Variants in GALNT13 observed in about 807,000 individuals in gnomAD.
The protein encoded by GALNT13 is UDP-GalNAc:polypeptide N-acetylgalactosaminyltransferase 13.
In GALNT13, 28 loss-of-function variants were observed where a neutral mutation model predicts 64.2. The ratio of observed to expected loss-of-function variants is 0.44; its 90% CI spans 0.32 to 0.60. GALNT13 has a LOEUF of 0.60. Ranked by LOEUF, GALNT13 falls within the 20% of genes least tolerant of loss-of-function variation. The probability of loss-of-function intolerance (pLI) is 0.05; values close to 1 mark genes in which losing one functional copy is unlikely to be tolerated. For synonymous variants in GALNT13, 214 were observed against 224.6 expected (o/e 0.95, Z 0.42); for missense variants, 577 against 669.8 (o/e 0.86, Z 1.53).
the GALNT13 span, among the ~76,000 whole-genome samples, chr2:153,729,391 A>C: frequency 2.0e-5 from 3 of 152,120 alleles, no homozygotes; most frequent in Admixed American, 6.5e-5. Context: ...CAGGCTTTTA[A>C]TTTTAATATA....
intron 9 of GALNT13, among the ~76,000 whole-genome samples, chr2:154,319,230 A>C (rs1174676669): frequency 6.6e-6 from 1 of 152,226 alleles, no homozygotes; most frequent in East Asian, 1.9e-4. Context: ...CGGACATTTG[A>C]ACAACAGGAG....
the GALNT13 span, among the ~76,000 whole-genome samples, chr2:153,629,911 T>C: frequency 2.0e-5 from 3 of 148,430 alleles, no homozygotes; most frequent in Non-Finnish European, 4.4e-5. Context: ...TCATCATCAC[T>C]GGCCATCAGA....
At chr2:154,152,381 G>T (rs6749939) in intron 4 of GALNT13, among the ~76,000 whole-genome samples, 1 of 151,708 alleles carries the variant, frequency 6.6e-6, no homozygotes, top group Non-Finnish European at 1.5e-5. Context: ...CTTCATTTCA[G>T]CTTTGGTGAA....
the GALNT13 span, among the ~76,000 whole-genome samples, chr2:153,208,421 T>C: frequency 0.16 from 23,987 of 152,140 alleles, 2,003 homozygotes; most frequent in Non-Finnish European, 0.18. Flanking sequence ...TGTTGCCTTT[T>C]GTGTTTTGAG....
At chr2:153,567,418 AT>A in the GALNT13 span, among the ~76,000 whole-genome samples, 1 of 152,236 alleles carries the variant, frequency 6.6e-6, no homozygotes, top group Non-Finnish European at 1.5e-5. Context: ...AGCCATTAGC[AT>A]TGGTAGAAGT....
At chr2:153,568,645 A>G in the GALNT13 span, among the ~76,000 whole-genome samples, 1 of 152,204 alleles carries the variant, frequency 6.6e-6, no homozygotes, top group African/African-American at 2.4e-5. Context: ...TGTGATACAC[A>G]TGTGTAACAG....
chr2:154,430,712 T>C (rs1468537852), intron 11 of GALNT13, among the ~76,000 whole-genome samples: 1 of 152,174 alleles, frequency 6.6e-6, no homozygotes, highest in Non-Finnish European at 1.5e-5. Flanking sequence ...GAAAAATCTT[T>C]AGTGAAAGGA....
intron 4 of GALNT13, among the ~76,000 whole-genome samples, chr2:154,171,362 G>T (rs943242408): frequency 6.6e-6 from 1 of 152,036 alleles, no homozygotes; most frequent in African/African-American, 2.4e-5. Flanking sequence ...TTTCCTCATG[G>T]CTTGAACGAC....
the GALNT13 span, among the ~76,000 whole-genome samples, chr2:153,658,579 A>G: frequency 6.6e-6 from 1 of 152,164 alleles, no homozygotes; most frequent in Non-Finnish European, 1.5e-5. Context: ...TTTATTTAGC[A>G]TTTTTAAAAA....
the GALNT13 span, among the ~76,000 whole-genome samples, chr2:153,314,341 G>A: frequency 6.6e-6 from 1 of 152,090 alleles, no homozygotes; most frequent in South Asian, 2.1e-4. Context: ...TAGAAGAAGA[G>A]ACAGATTGAG....
chr2:153,938,884 A>G (rs1382913358), intron 2 of GALNT13, among the ~76,000 whole-genome samples: 2 of 152,136 alleles, frequency 1.3e-5, no homozygotes, highest in Non-Finnish European at 2.9e-5. Flanking sequence ...AGGGGTTAGG[A>G]CTTGCACCCA....
chr2:154,288,046 G>A (rs946503593), intron 8 of GALNT13, among the ~76,000 whole-genome samples: 1 of 152,086 alleles, frequency 6.6e-6, no homozygotes, highest in African/African-American at 2.4e-5. Context: ...CCAAGACTGG[G>A]TAATTTATAA....
intron 4 of GALNT13, among the ~76,000 whole-genome samples, chr2:154,152,354 G>A (rs1684093774): frequency 6.6e-6 from 1 of 152,010 alleles, no homozygotes; most frequent in Admixed American, 6.6e-5. Flanking sequence ...CTCTCTGGCT[G>A]CCCTTAACAT....
At chr2:153,888,792 G>T (rs749719139) in intron 1 of GALNT13, among the ~76,000 whole-genome samples, 1 of 151,750 alleles carries the variant, frequency 6.6e-6, no homozygotes, top group Non-Finnish European at 1.5e-5. Flanking sequence ...TCATTTTCTT[G>T]TATTATTGCA....
At chr2:153,814,182 T>TAAA in the GALNT13 span, among the ~76,000 whole-genome samples, 2 of 152,188 alleles carry the variant, frequency 1.3e-5, no homozygotes, top group African/African-American at 4.8e-5. Flanking sequence ...GGCTCACGCC[T>TAAA]GTAATCCCAG....
At chr2:153,082,228 T>G in the GALNT13 span, among the ~76,000 whole-genome samples, 3 of 152,092 alleles carry the variant, frequency 2.0e-5, no homozygotes, top group African/African-American at 4.8e-5. Flanking sequence ...TCTTTAGTAG[T>G]GACTTCTGAG....
chr2:154,135,058 TGGTCCTATTTTA>T (rs1682871126), intron 3 of GALNT13, among the ~76,000 whole-genome samples: 2 of 152,194 alleles, frequency 1.3e-5, no homozygotes, highest in African/African-American at 4.8e-5. Flanking sequence ...CATATATGAA[TGGTCCTATTTTA>T]AATACATATG....
At chr2:153,883,669 G>C (rs1053543724) in intron 1 of GALNT13, among the ~76,000 whole-genome samples, 2 of 152,018 alleles carry the variant, frequency 1.3e-5, no homozygotes, top group Non-Finnish European at 2.9e-5. Context: ...GGAGGGTTTG[G>C]TTGGTGGGAG....
the GALNT13 span, among the ~76,000 whole-genome samples, chr2:153,566,859 A>T: frequency 6.6e-6 from 1 of 152,170 alleles, no homozygotes; most frequent in Non-Finnish European, 1.5e-5. Flanking sequence ...AGTACTTTTT[A>T]TGTTATGTGT....
Sources: gnomAD v4.1 joint callset for allele counts (sites outside exome capture counted in the v4.1 genomes callset) on GRCh38, gnomAD v4.1.1 for gene constraint, MANE v1.5 for transcripts, NCBI Gene and HGNC (gene_info 2026-07-23, HGNC 2026-07-21) for gene names.